The following TRMT2B variants were observed in gnomAD, a reference collection of about 807,000 sequenced individuals.
TRMT2B encodes the protein tRNA (uracil-5-)-methyltransferase homolog B.
TRMT2B carries 34 observed loss-of-function variants against 39.7 expected under a neutral mutation model. The ratio of observed to expected loss-of-function variants is 0.86; its 90% confidence interval spans 0.65 to 1.14. The LOEUF (loss-of-function observed/expected upper bound fraction) is 1.14, where lower values mean the gene tolerates loss of function less well. Among genes scored for constraint, TRMT2B ranks in the 50% most tolerant of loss-of-function variants. The pLI is 0.00. For synonymous variants in TRMT2B, 132 were observed against 137.3 expected, an observed-to-expected ratio of 0.96 and a Z score of 0.27; for missense variants, 318 against 377.2, an observed-to-expected ratio of 0.84 and a Z score of 1.30.
intron 7 of TRMT2B, among the ~76,000 whole-genome samples, chrX:101,027,032 C>T (rs2087133717): frequency 9.0e-6 from 1 of 111,159 alleles, no homozygotes; most frequent in Non-Finnish European, 1.9e-5. Context: ...CTTCTACTCA[C>T]CCATCTGAAT....
At chrX:101,030,607 C>G (rs2087400246) in intron 7 of TRMT2B, among the ~76,000 whole-genome samples, 1 of 108,992 alleles carries the variant, frequency 9.2e-6, no homozygotes, top group African/African-American at 3.4e-5. Context: ...GCCACTGTGC[C>G]TGGCTAATTT....
intron 4 of TRMT2B, 117 bp downstream of exon 4, chrX:101,041,199 AT>A: frequency 1.6e-6 from 1 of 616,684 alleles, no homozygotes; most frequent in Admixed American, 3.8e-5. Flanking sequence ...GCGAGACTCC[AT>A]CTCAAAAAAA....
chrX:101,019,787 C>T (rs749615179), intron 11 of TRMT2B, among the ~76,000 whole-genome samples: 1 of 109,071 alleles, frequency 9.2e-6, no homozygotes, highest in African/African-American at 3.3e-5. Flanking sequence ...CGCCTGCCAC[C>T]ACGACCGGCT....
At chrX:101,017,789 A>C (rs1203163622) in intron 13 of TRMT2B, among the ~76,000 whole-genome samples, 2 of 112,204 alleles carry the variant, frequency 1.8e-5, no homozygotes, top group Non-Finnish European at 3.8e-5. Flanking sequence ...TTGCTTTTAT[A>C]AGGTTTTATT....
chrX:100,998,570 AAAAC>A, the TRMT2B span, among the ~76,000 whole-genome samples: 4 of 109,947 alleles, frequency 3.6e-5, no homozygotes, highest in African/African-American at 9.9e-5. Context: ...AAAAAAAAAA[AAAAC>A]GACACCCATT....
chrX:100,975,959 T>A, the TRMT2B span, among the ~76,000 whole-genome samples: 2 of 111,343 alleles, frequency 1.8e-5, no homozygotes, highest in Admixed American at 9.6e-5. Context: ...CTATAACAAC[T>A]TCCTCTGTCC....
At chrX:101,012,224 A>G (rs2086283295) in intron 13 of TRMT2B, among the ~76,000 whole-genome samples, 1 of 110,803 alleles carries the variant, frequency 9.0e-6, no homozygotes, top group Non-Finnish European at 1.9e-5. Flanking sequence ...TTACACCAGC[A>G]TGACCACAAA....
chrX:101,021,089 G>A lies in TRMT2B; in HGVS notation c.1066+12C>T. ...GAGCAGCATGCAGATTCTGCCCTGGGCTTCCACTTGCCAGTTCCACAGCAG... is the reference window on the plus strand; with the variant it reads ...GAGCAGCATGCAGATTCTGCCCTGGACTTCCACTTGCCAGTTCCACAGCAG... On this transcript the variant is annotated intron_variant, in intron 10 of 13. Transcript: ENST00000372936. The A allele has an allele frequency of 8.3e-7, 1 of 1,205,243 alleles. No homozygotes were observed.
At chrX:100,984,680 G>A in the TRMT2B span, among the ~76,000 whole-genome samples, 1 of 111,966 alleles carries the variant, frequency 8.9e-6, no homozygotes. Context: ...TATAGCTTAC[G>A]TTTTAGTTGG....
At chrX:101,029,788 G>A (rs767505525) in intron 7 of TRMT2B, among the ~76,000 whole-genome samples, 1 of 111,803 alleles carries the variant, frequency 8.9e-6, no homozygotes, top group South Asian at 3.7e-4. Context: ...ACTTAGCAAG[G>A]TGAAGGAAGC....
chrX:101,013,465 A>T (rs1257294904), intron 13 of TRMT2B, among the ~76,000 whole-genome samples: 1 of 111,157 alleles, frequency 9.0e-6, no homozygotes, highest in Non-Finnish European at 1.9e-5. Context: ...AGAAAATGTC[A>T]TGAAGGCTGG....
At position 101,042,213 on chromosome X, in the gene TRMT2B, G is replaced by T; in HGVS notation, c.77C>A (p.Pro26Gln). ...TCTGGCATACCAGGGAAGCAGTCCT[G>T]GTTTGGAGAAGAGACCCACCATGGA... ...FISMVGLFSK[P>Q]GLLPWYARNP... is the part of the protein sequence containing the mutation. The change falls in exon 3 of 14, where the codon CCA (proline) becomes CAA (glutamine). Residue 26 changes from proline to glutamine, a missense_variant. Pro to Gln is a moderately conservative substitution (Grantham distance 76). Transcript: ENST00000372936. 8.3e-7 allele frequency: 1 copy of T among 1,212,089 alleles called. No individual in the cohort carries two copies. Among genetic ancestry groups the T allele is most frequent in the Non-Finnish European group, 1.1e-6 (1 of 895,562 alleles).
At chrX:100,983,684 C>T in the TRMT2B span, among the ~76,000 whole-genome samples, 1 of 111,470 alleles carries the variant, frequency 9.0e-6, no homozygotes, top group Non-Finnish European at 1.9e-5. Context: ...TAGTCTAATA[C>T]AGATATAGCA....
intron 7 of TRMT2B, among the ~76,000 whole-genome samples, chrX:101,032,704 A>G (rs1180251229): frequency 9.6e-6 from 1 of 104,129 alleles, no homozygotes; most frequent in Non-Finnish European, 2.0e-5. Context: ...TGAACCTGGA[A>G]GGTGGAGGTT....
At chrX:101,008,747 T>G (rs1275828641), downstream of TRMT2B, among the ~76,000 whole-genome samples, 2 of 111,949 alleles carry the variant, frequency 1.8e-5, no homozygotes. Context: ...AGAGCTATAT[T>G]CCCTCTATCT....
At chrX:100,975,292 A>G in the TRMT2B span, among the ~76,000 whole-genome samples, 1 of 111,140 alleles carries the variant, frequency 9.0e-6, no homozygotes, top group African/African-American at 3.3e-5. Flanking sequence ...ACTACCTAGC[A>G]TTTTATCTCC....
rs1161781108 is a variant in TRMT2B at position 101,044,861 on chromosome X, A to AC, written c.-23-2550dup. Among the ~76,000 whole-genome samples, 191 of 101,947 alleles carry AC rather than the reference A, an allele frequency of 1.9e-3. 1 individual carries two copies. The highest frequency in any genetic ancestry group is 3.5e-3 in the Non-Finnish European group (178 of 50,488). The allele number at this position is 101,947 out of a possible 115,157, so 88.5% of individuals were successfully genotyped here. Reference sequence around the variant, plus strand: ...TCTCAAAAAAAAAAAAAAAAAAAAAACCCTACAAAAATACAAAAATTAGCC... The same window carrying AC: ...TCTCAAAAAAAAAAAAAAAAAAAAAACCCCTACAAAAATACAAAAATTAGCC... On this transcript the variant is annotated intron_variant, in intron 2 of 13. Coordinates refer to ENST00000372936, the MANE Select transcript of TRMT2B (RefSeq NM_024917.6).
the TRMT2B span, chrX:100,988,702 G>A: frequency 9.3e-6 from 3 of 321,752 alleles, no homozygotes; most frequent in Non-Finnish European, 1.4e-5. Context: ...CTGTAGGAAG[G>A]GTGCTTGGGT....
chrX:101,002,233 G>A, the TRMT2B span, among the ~76,000 whole-genome samples: 1 of 111,509 alleles, frequency 9.0e-6, no homozygotes, highest in African/African-American at 3.3e-5. Context: ...CTGGGTTCCT[G>A]AGCTGGAAAC....
Sources: gnomAD v4.1 joint callset for allele counts (sites outside exome capture counted in the v4.1 genomes callset) on GRCh38, gnomAD v4.1.1 for gene constraint, MANE v1.5 for transcripts, NCBI Gene and HGNC (gene_info 2026-07-23, HGNC 2026-07-21) for gene names.